PDXK: variants seen among roughly 807,000 people sequenced by gnomAD.
The protein encoded by PDXK is epididymis secretory sperm binding protein Li 1a.
In PDXK, 15 loss-of-function variants were observed where a neutral mutation model predicts 43.2. That is an observed-to-expected ratio of 0.35 (90% CI 0.23 to 0.53). The LOEUF (loss-of-function observed/expected upper bound fraction) is 0.53, where lower values mean the gene tolerates loss of function less well. PDXK is among the 20% of genes least tolerant of loss of function. The probability of loss-of-function intolerance (pLI) is 0.92; values close to 1 mark genes in which losing one functional copy is unlikely to be tolerated. For synonymous variants in PDXK, 172 were observed against 165.4 expected (o/e 1.04, Z -0.31); for missense variants, 343 against 417.0 (o/e 0.82, Z 1.54).
rs574873867 is a variant in PDXK at position 43,754,990 on chromosome 21, G to A, written c.760-708G>A. Among the ~76,000 whole-genome samples the A allele has an allele frequency of 7.2e-4, 110 of 152,276 alleles. No homozygotes were observed. The highest frequency in any genetic ancestry group is 2.5e-3 in the African/African-American group (104 of 41,558). ...TTCCATCCCTTCTGGCCCCTCAAGG[G>A]CAATTAAACAGGGCCATTAAGTAAG... On this transcript the variant is annotated intron_variant, in intron 9 of 10. Coordinates refer to ENST00000291565, the MANE Select transcript of PDXK (RefSeq NM_003681.5). The surrounding 1 kb of genome is among the most constrained non-coding windows in gnomAD (Gnocchi z 5.5).
At chr21:43,742,593 A>C (rs1335710672) in intron 3 of PDXK, among the ~76,000 whole-genome samples, 2 of 152,156 alleles carry the variant, frequency 1.3e-5, no homozygotes, top group Non-Finnish European at 2.9e-5. Context: ...GGTCACATAT[A>C]AGGCCAGGCA....
At position 43,759,003 on chromosome 21, in the gene PDXK, G is replaced by A. The variant is rs1268117751; in HGVS notation, c.*2940G>A. The stretch of plus-strand genomic sequence containing the variant: ...GTTAGAGCCAGTTTTGAAACGTTTG[G>A]TCTTACCGTGAACGGAGGCTGGCTT... On this transcript the variant is annotated 3_prime_UTR_variant, in exon 11 of 11. Coordinates refer to ENST00000291565, the MANE Select transcript of PDXK (RefSeq NM_003681.5). 1 of 152,232 alleles carries A rather than the reference G, an allele frequency of 6.6e-6. No homozygotes were observed. The highest frequency in any genetic ancestry group is 2.4e-5 in the African/African-American group (1 of 41,446). The allele number at this position is 152,232 out of a possible 1,614,324, so 9.4% of individuals were successfully genotyped here.
rs1377786105 is a variant in PDXK at position 43,735,445 on chromosome 21, G to T, written c.142+1322G>T. ...GCAATGCCTTCCAGGCTTGGTGGAA[G>T]CTTCTCAGTGGGTGGTGGGCTGGCT... On this transcript the variant is annotated intron_variant, in intron 2 of 10. Transcript: ENST00000291565. This position sits in a 1 kb window ranked among gnomAD's most constrained non-coding sequence, Gnocchi z 5.3. 2.6e-5 allele frequency among the ~76,000 whole-genome samples: 4 copies of T among 152,220 alleles called. No individual in the cohort carries two copies. Among genetic ancestry groups the T allele is most frequent in the African/African-American group, 9.6e-5 (4 of 41,454 alleles).
chr21:43,728,593 C>G (rs2083277646), intron 1 of PDXK: 1 of 428,756 alleles, frequency 2.3e-6, no homozygotes, highest in Non-Finnish European at 3.1e-6. Context: ...CACGTAGTGT[C>G]TGGCTGTCTG....
chr21:43,755,318 T>A (rs1385901188), intron 9 of PDXK, among the ~76,000 whole-genome samples: 1 of 152,124 alleles, frequency 6.6e-6, no homozygotes. Flanking sequence ...GAGGCATCAC[T>A]GAGTGATGAT....
chr21:43,719,247 G>A lies in PDXK; in HGVS notation c.-48G>A. On this transcript the variant is annotated 5_prime_UTR_variant, in exon 1 of 11. Coordinates refer to ENST00000291565, the MANE Select transcript of PDXK (RefSeq NM_003681.5). ...CGAGCCGGAGCCCGAGCGAGCGGCG[G>A]AGACCGTGCCCCCGCCTCGGCCCCG... is the stretch of plus-strand genomic sequence containing the variant. 2 of 1,163,512 alleles carry A rather than the reference G, an allele frequency of 1.7e-6. No individual in the cohort carries two copies. The highest frequency in any genetic ancestry group is 1.1e-6 in the Non-Finnish European group (1 of 885,610). 72.1% of individuals were successfully genotyped at this position (1,163,512 alleles called of 1,614,324 possible).
chr21:43,742,422 G>C (rs2083552508), intron 3 of PDXK, among the ~76,000 whole-genome samples: 1 of 152,108 alleles, frequency 6.6e-6, no homozygotes, highest in African/African-American at 2.4e-5. Context: ...GCTCAAGCCA[G>C]CCACCCACCC....
chr21:43,734,231 CTTTCGTGTGGACGGGGACCT>C lies in PDXK; in HGVS notation c.142+109_142+128del. 2.9e-6 allele frequency: 3 copies of C among 1,029,666 alleles called. No homozygotes were observed. Among genetic ancestry groups the C allele is most frequent in the South Asian group, 1.3e-5 (1 of 77,554 alleles). 63.8% of individuals were successfully genotyped at this position (1,029,666 alleles called of 1,614,324 possible). On this transcript the variant is annotated intron_variant, in intron 2 of 10. Transcript: ENST00000291565. The surrounding 1 kb of genome is among the most constrained non-coding windows in gnomAD (Gnocchi z 5.0). ...CGGAGTGTGGGTGTGAGGGACGGGG[CTTTCGTGTGGACGGGGACCT>C]GGAGTCCTGGGCGTCGCTCGGGCAG...
At chr21:43,726,586 T>G (rs2083256267) in intron 1 of PDXK, among the ~76,000 whole-genome samples, 1 of 152,112 alleles carries the variant, frequency 6.6e-6, no homozygotes, top group East Asian at 1.9e-4. Context: ...TTTTTGTATT[T>G]TGGTAGAGAC....
chr21:43,748,065 C>T (rs553020461), intron 5 of PDXK, among the ~76,000 whole-genome samples: 6 of 152,306 alleles, frequency 3.9e-5, no homozygotes, highest in African/African-American at 7.2e-5. Flanking sequence ...GGGAGGTTTC[C>T]GGGAGCAAAG....
intron 3 of PDXK, among the ~76,000 whole-genome samples, 166 bp downstream of exon 3, chr21:43,741,937 G>C (rs1374412888): frequency 6.6e-6 from 1 of 152,072 alleles, no homozygotes; most frequent in Non-Finnish European, 1.5e-5. Flanking sequence ...GTAGCCTGGG[G>C]GGTCCTGGCC....
At chr21:43,719,932 C>T in intron 1 of PDXK, 1 of 985,340 alleles carries the variant, frequency 1.0e-6, no homozygotes, top group Non-Finnish European at 1.2e-6. Flanking sequence ...CTCGGCCTGA[C>T]CACGCCAGGA....
chr21:43,753,570 C>G lies in PDXK; in HGVS notation c.623-13C>G. Reference sequence around the variant, plus strand: ...GGCAGATCTCAGTGACCTTGCCCATCTTCTCCCCCTAGGGAATCCCGCTGG... The same window carrying G: ...GGCAGATCTCAGTGACCTTGCCCATGTTCTCCCCCTAGGGAATCCCGCTGG... On this transcript the variant is annotated splice_polypyrimidine_tract_variant and intron_variant, in intron 8 of 10. Transcript: ENST00000291565. 1 of 1,604,072 alleles carries G rather than the reference C, an allele frequency of 6.2e-7. No homozygotes were observed. Among genetic ancestry groups the G allele is most frequent in the South Asian group, 1.1e-5 (1 of 90,068 alleles).
In PDXK at chr21:43,754,431, G is replaced by A. The variant is rs915532351; in HGVS notation, c.759+712G>A. On this transcript the variant is annotated intron_variant, in intron 9 of 10. Transcript: ENST00000291565. This position sits in a 1 kb window ranked among gnomAD's most constrained non-coding sequence, Gnocchi z 5.5. Reference sequence around the variant, plus strand: ...AGTTTTGTTGCAACTGTGGCGCTCAGATCCGTGACCTCCCGTGCTGCATGC... The same window carrying A: ...AGTTTTGTTGCAACTGTGGCGCTCAAATCCGTGACCTCCCGTGCTGCATGC... 6.6e-6 allele frequency among the ~76,000 whole-genome samples: 1 copy of A among 152,204 alleles called. No homozygotes were observed. Among genetic ancestry groups the A allele is most frequent in the Non-Finnish European group, 1.5e-5 (1 of 68,032 alleles).
rs769637542 is a variant in PDXK at position 43,762,197 on chromosome 21, A to T, written c.*6134A>T. The T allele has an allele frequency of 6.6e-6, 1 of 152,404 alleles. No homozygotes were observed. Among genetic ancestry groups the T allele is most frequent in the Non-Finnish European group, 1.5e-5 (1 of 68,136 alleles). 9.4% of individuals were successfully genotyped at this position (152,404 alleles called of 1,614,324 possible). On this transcript the variant is annotated 3_prime_UTR_variant, in exon 11 of 11. Coordinates refer to ENST00000291565, the MANE Select transcript of PDXK (RefSeq NM_003681.5). The stretch of plus-strand genomic sequence containing the variant: ...GGCCGGCCCTGCTTGTGCCATGTGG[A>T]TGTTTGTGAGCCTCGGTCCTACAGC...
Position 43,753,739 on chromosome 21 carries a change from C to T in PDXK, c.759+20C>T. 1 of 1,595,288 alleles carries T rather than the reference C, an allele frequency of 6.3e-7. No individual in the cohort carries two copies. On this transcript the variant is annotated intron_variant, in intron 9 of 10. Coordinates refer to ENST00000291565, the MANE Select transcript of PDXK (RefSeq NM_003681.5). ...CTCAAGGTCAGCCACACGCACCGCTCCCCTCCTCGCCCACTCCCACGGCAC... is the reference window on the plus strand; with the variant it reads ...CTCAAGGTCAGCCACACGCACCGCTTCCCTCCTCGCCCACTCCCACGGCAC...
In PDXK at chr21:43,719,292, G is replaced by T; in HGVS notation, c.-3G>T. ...GCCCCGCGCCGCCGCGGCCAGGCCCGGCATGGAGGAGGAGTGCCGGGTGCT... is the reference window on the plus strand; with the variant it reads ...GCCCCGCGCCGCCGCGGCCAGGCCCTGCATGGAGGAGGAGTGCCGGGTGCT... On this transcript the variant is annotated 5_prime_UTR_variant, in exon 1 of 11. Coordinates refer to ENST00000291565, the MANE Select transcript of PDXK (RefSeq NM_003681.5). 3 of 1,457,690 alleles carry T rather than the reference G, an allele frequency of 2.1e-6. No individual in the cohort carries two copies. The highest frequency in any genetic ancestry group is 2.7e-6 in the Non-Finnish European group (3 of 1,100,666). 90.3% of individuals were successfully genotyped at this position (1,457,690 alleles called of 1,614,324 possible). A position where few individuals can be genotyped will look rare whatever the true frequency, so the allele number is the denominator to read the frequency against.
chr21:43,732,449 G>A lies in PDXK; in HGVS notation c.88-1620G>A. The A allele has an allele frequency of 6.2e-7, 1 of 1,612,226 alleles. No homozygotes were observed. The highest frequency in any genetic ancestry group is 2.2e-5 in the East Asian group (1 of 44,880). On this transcript the variant is annotated intron_variant, in intron 1 of 10. Coordinates refer to ENST00000291565, the MANE Select transcript of PDXK (RefSeq NM_003681.5). The surrounding 1 kb of genome is among the most constrained non-coding windows in gnomAD (Gnocchi z 4.1). The stretch of plus-strand genomic sequence containing the variant: ...ATAAGCTGATTTTGATGGGGTGTGT[G>A]AAACGGAGATGCCAGCCCAGGGGCT...
rs777493406 is a variant in PDXK at position 43,737,037 on chromosome 21, A to C, written c.142+2914A>C. 1.4e-6 allele frequency: 1 copy of C among 721,194 alleles called. No individual in the cohort carries two copies. Among genetic ancestry groups the C allele is most frequent in the Admixed American group, 2.0e-5 (1 of 49,996 alleles). 44.7% of individuals were successfully genotyped at this position (721,194 alleles called of 1,614,324 possible). ...AGCCTTGACCTCCTGGGCTGAAGCAATCTTTCTGCCTCCACCTCCCGAGTG... is the reference window on the plus strand; with the variant it reads ...AGCCTTGACCTCCTGGGCTGAAGCACTCTTTCTGCCTCCACCTCCCGAGTG... On this transcript the variant is annotated intron_variant, in intron 2 of 10. Transcript: ENST00000291565. This position sits in a 1 kb window ranked among gnomAD's most constrained non-coding sequence, Gnocchi z 4.8.
Sources: gnomAD v4.1 joint callset for allele counts (sites outside exome capture counted in the v4.1 genomes callset) on GRCh38, gnomAD v4.1.1 for gene constraint, Gnocchi (gnomAD v3.1) non-coding constraint, MANE v1.5 for transcripts, NCBI Gene and HGNC (gene_info 2026-07-23, HGNC 2026-07-21) for gene names.